The following ADCY5 variants were observed in gnomAD, a reference collection of about 807,000 sequenced individuals.
ADCY5 encodes the protein adenylate cyclase type 5.
In ADCY5, 30 loss-of-function variants were observed where a neutral mutation model predicts 119.7. That is an observed-to-expected ratio of 0.25 (90% confidence interval 0.19 to 0.34). ADCY5 has a LOEUF of 0.34. Among genes scored for constraint, ADCY5 ranks in the 10% least tolerant of loss-of-function variants. The probability of loss-of-function intolerance (pLI) is 1.00; values close to 1 mark genes in which losing one functional copy is unlikely to be tolerated. For missense variants in ADCY5, 1,324 were observed against 1,775.2 expected, an observed-to-expected ratio of 0.75 and a Z score of 4.57; for synonymous variants, 753 against 762.2, an observed-to-expected ratio of 0.99 and a Z score of 0.20.
At chr3:123,298,754 T>C (rs907616659) in intron 15 of ADCY5, among the ~76,000 whole-genome samples, 2 of 151,528 alleles carry the variant, frequency 1.3e-5, no homozygotes, top group South Asian at 2.1e-4. Context: ...AACAAATGGA[T>C]GGATGGATGA....
Position 123,380,928 on chromosome 3 carries a change from T to C in ADCY5, c.1135-28347A>G, listed in dbSNP as rs562368768. ...GGGTTAATGACAGGTCAGGAGCACA[T>C]GCTAAGGAGACAGCAAGCCTGGGTC... is the stretch of plus-strand genomic sequence containing the variant. On this transcript the variant is annotated intron_variant, in intron 1 of 20. Transcript: ENST00000462833. 3.3e-5 allele frequency among the ~76,000 whole-genome samples: 5 copies of C among 152,232 alleles called. No individual in the cohort carries two copies. The East Asian group carries it at 9.7e-4, about 29-fold the overall frequency.
chr3:123,309,716 C>T (rs574088275), intron 12 of ADCY5, among the ~76,000 whole-genome samples: 2 of 152,192 alleles, frequency 1.3e-5, no homozygotes, highest in East Asian at 3.9e-4. Context: ...AAATGAATGA[C>T]GTGTATGATG....
chr3:123,311,787 G>A (rs945209433), intron 12 of ADCY5, among the ~76,000 whole-genome samples: 1 of 152,130 alleles, frequency 6.6e-6, no homozygotes, highest in African/African-American at 2.4e-5. Context: ...GATGGTGTGG[G>A]ACTGGGGGGA....
At chr3:123,341,351 C>G (rs1942271310) in intron 3 of ADCY5, among the ~76,000 whole-genome samples, 1 of 152,084 alleles carries the variant, frequency 6.6e-6, no homozygotes, top group South Asian at 2.1e-4. Context: ...TTGAAGACAT[C>G]ATGCTAAATG....
intron 14 of ADCY5, among the ~76,000 whole-genome samples, chr3:123,301,973 G>A (rs1450338953): frequency 6.6e-6 from 1 of 152,230 alleles, no homozygotes; most frequent in Non-Finnish European, 1.5e-5. Flanking sequence ...GCCAAGCCCT[G>A]CTCCTCCCTG....
chr3:123,316,990 T>C (rs904013893), intron 11 of ADCY5, among the ~76,000 whole-genome samples: 12 of 152,040 alleles, frequency 7.9e-5, no homozygotes, highest in Non-Finnish European at 1.5e-4. Flanking sequence ...AGGAATTACA[T>C]AATAAAAAGT....
At chr3:123,444,004 C>T (rs1287327285) in intron 1 of ADCY5, among the ~76,000 whole-genome samples, 1 of 152,176 alleles carries the variant, frequency 6.6e-6, no homozygotes, top group African/African-American at 2.4e-5. Context: ...TCGTTAATAG[C>T]TAAGCATATG....
At chr3:123,392,604 G>T (rs1944428485) in intron 1 of ADCY5, among the ~76,000 whole-genome samples, 1 of 152,224 alleles carries the variant, frequency 6.6e-6, no homozygotes, top group African/African-American at 2.4e-5. Context: ...TGGTGACAAA[G>T]CTGGAGTCTG....
chr3:123,340,556 C>T (rs1942230036), intron 3 of ADCY5, among the ~76,000 whole-genome samples: 1 of 152,192 alleles, frequency 6.6e-6, no homozygotes, highest in Non-Finnish European at 1.5e-5. Flanking sequence ...CCCTTCTTAT[C>T]TCCCACAGGG....
At chr3:123,359,091 C>A (rs1374298015) in intron 1 of ADCY5, among the ~76,000 whole-genome samples, 2 of 151,036 alleles carry the variant, frequency 1.3e-5, no homozygotes, top group African/African-American at 2.4e-5. Context: ...TTGGGGAAGA[C>A]CCCTGCTCAG....
At chr3:123,293,529 A>G (rs1398969222) in intron 17 of ADCY5, among the ~76,000 whole-genome samples, 3 of 151,512 alleles carry the variant, frequency 2.0e-5, no homozygotes, top group Non-Finnish European at 4.4e-5. Flanking sequence ...ATTCCTACAC[A>G]CACGCACATG....
chr3:123,448,441 G>T lies in ADCY5; in HGVS notation c.105C>A (p.Ala35=). The change falls in exon 1 of 21, where the codon GCC becomes GCA. Residue 35 remains alanine (A), a synonymous_variant. Coordinates refer to ENST00000462833, the MANE Select transcript of ADCY5 (RefSeq NM_183357.3). Reference sequence around the variant, plus strand: ...GGGGGTAGCCATTCGCGCGGGAATCGGCCTCGCCCCACGCAGAGCGGTGTT... The same window carrying T: ...GGGGGTAGCCATTCGCGCGGGAATCTGCCTCGCCCCACGCAGAGCGGTGTT... ...GPEHRSAWGE[A]DSRANGYPHA... is the part of the protein sequence containing the mutation. 1 of 1,329,876 alleles carries T rather than the reference G, an allele frequency of 7.5e-7. No homozygotes were observed. The highest frequency in any genetic ancestry group is 1.9e-5 in the South Asian group (1 of 52,536). 82.4% of individuals were successfully genotyped at this position (1,329,876 alleles called of 1,614,324 possible).
intron 2 of ADCY5, among the ~76,000 whole-genome samples, chr3:123,350,937 G>A (rs1042681702): frequency 6.6e-6 from 1 of 152,168 alleles, no homozygotes; most frequent in Non-Finnish European, 1.5e-5. Flanking sequence ...GGCTTTTCAG[G>A]AATGCTGAGG....
rs112567891 is a variant in ADCY5, at chr3:123,291,779, T to C, written c.3064-403A>G. ...ACACAGCCCTCCAGCTCCCCGGTGC[T>C]CCTCCACTGTTCATTGTCCTCTTAA... On this transcript the variant is annotated intron_variant, in intron 17 of 20. Transcript: ENST00000462833. Among the ~76,000 whole-genome samples, 468 of 152,246 alleles carry C rather than the reference T, an allele frequency of 3.1e-3. 1 individual carries two copies. Among genetic ancestry groups the C allele is most frequent in the African/African-American group, 6.5e-3 (270 of 41,532 alleles).
intron 2 of ADCY5, among the ~76,000 whole-genome samples, chr3:123,350,710 T>C (rs1416365825): frequency 6.6e-6 from 1 of 152,220 alleles, no homozygotes; most frequent in Non-Finnish European, 1.5e-5. Context: ...CCTCAGCACA[T>C]TGGCTCCGAA....
chr3:123,405,888 G>T (rs146437595), intron 1 of ADCY5, among the ~76,000 whole-genome samples: 3,911 of 152,186 alleles, frequency 0.026, 159 homozygotes, highest in African/African-American at 0.089. Context: ...GCCTGCCTTG[G>T]CCTCCCAAAG....
intron 1 of ADCY5, among the ~76,000 whole-genome samples, chr3:123,371,080 C>T (rs907363319): frequency 3.3e-5 from 5 of 152,148 alleles, no homozygotes; most frequent in Admixed American, 2.0e-4. Context: ...GCACAGTGGC[C>T]AGACTCTGCA....
At chr3:123,372,404 G>A (rs138978645) in intron 1 of ADCY5, among the ~76,000 whole-genome samples, 25 of 152,254 alleles carry the variant, frequency 1.6e-4, no homozygotes, top group African/African-American at 5.5e-4. Context: ...ATCAGCCCAC[G>A]CATGGCACCC....
chr3:123,363,834 A>T (rs988617097), intron 1 of ADCY5, among the ~76,000 whole-genome samples: 1 of 152,152 alleles, frequency 6.6e-6, no homozygotes. Flanking sequence ...ACTTGAACCT[A>T]GGAAGTCAAG....
Sources: gnomAD v4.1 joint callset for allele counts (sites outside exome capture counted in the v4.1 genomes callset) on GRCh38, gnomAD v4.1.1 for gene constraint, MANE v1.5 for transcripts, NCBI Gene and HGNC (gene_info 2026-07-23, HGNC 2026-07-21) for gene names.